TMEM132D: variants seen among roughly 807,000 people sequenced by gnomAD.
The protein encoded by TMEM132D is transmembrane protein 132D.
In TMEM132D, 21 loss-of-function variants were observed where a neutral mutation model predicts 62.3. The observed-to-expected ratio is 0.34, with a 90% CI of 0.24 to 0.49. The LOEUF is 0.49. TMEM132D is among the 20% of genes least tolerant of loss of function. The pLI, the probability that TMEM132D is intolerant of heterozygous loss-of-function variation, is 0.99. For synonymous variants in TMEM132D, 621 were observed against 575.6 expected (o/e 1.08, Z -1.13); for missense variants, 1,346 against 1,402.8 (o/e 0.96, Z 0.65).
At chr12:129,564,986 C>T (rs1877330386) in intron 2 of TMEM132D, among the ~76,000 whole-genome samples, 1 of 152,184 alleles carries the variant, frequency 6.6e-6, no homozygotes, top group South Asian at 2.1e-4. Flanking sequence ...GAAATGCCCC[C>T]AAATGTCCCT....
In TMEM132D at chr12:129,575,125, C is replaced by T. The variant is rs148397541; in HGVS notation, c.969-43920G>A. Among the ~76,000 whole-genome samples the T allele has an allele frequency of 3.0e-3, 458 of 151,928 alleles. 14 individuals are homozygous for T. Among genetic ancestry groups the T allele is most frequent in the African/African-American group, 0.01 (430 of 41,246 alleles). On this transcript the variant is annotated intron_variant, in intron 2 of 8. Transcript: ENST00000422113. Reference sequence around the variant, plus strand: ...GCAGAAGGATAGTGGAATGTAGGCCCTCAATCCCCTAGACCCTTTCTTATG... The same window carrying T: ...GCAGAAGGATAGTGGAATGTAGGCCTTCAATCCCCTAGACCCTTTCTTATG...
intron 3 of TMEM132D, among the ~76,000 whole-genome samples, chr12:129,401,421 T>G (rs1871617437): frequency 1.3e-5 from 2 of 151,948 alleles, no homozygotes; most frequent in Admixed American, 1.3e-4. Context: ...TTTAAAAAAT[T>G]AGCTGAGCAT....
chr12:129,869,863 G>C (rs773006586), intron 1 of TMEM132D, among the ~76,000 whole-genome samples: 19 of 152,176 alleles, frequency 1.2e-4, no homozygotes, highest in Non-Finnish European at 2.4e-4. Context: ...CATCTCTAGA[G>C]CCACATCCAC....
intron 1 of TMEM132D, among the ~76,000 whole-genome samples, chr12:129,705,214 C>G (rs1388524675): frequency 6.6e-6 from 1 of 151,916 alleles, no homozygotes; most frequent in Non-Finnish European, 1.5e-5. Flanking sequence ...AATGCAAAAG[C>G]AGCAGCATTA....
intron 2 of TMEM132D, among the ~76,000 whole-genome samples, chr12:129,606,995 A>C (rs1023566009): frequency 6.6e-6 from 1 of 151,418 alleles, no homozygotes; most frequent in Non-Finnish European, 1.5e-5. Context: ...TTCCTTGTCT[A>C]TCTTGGAAAT....
In TMEM132D at chr12:129,592,065, TGATCC is replaced by T. The variant is rs958285589; in HGVS notation, c.969-60865_969-60861del. Among the ~76,000 whole-genome samples, 119 of 152,318 alleles carry T rather than the reference TGATCC, an allele frequency of 7.8e-4. 2 individuals are homozygous for T. Among genetic ancestry groups the T allele is most frequent in the African/African-American group, 2.8e-3 (116 of 41,582 alleles). ...TTTTTCTTTCTAAACCACAATAATC[TGATCC>T]GATTTCCATTATAAAAAGTACCATG... is the stretch of plus-strand genomic sequence containing the variant. On this transcript the variant is annotated intron_variant, in intron 2 of 8. Coordinates refer to ENST00000422113, the MANE Select transcript of TMEM132D (RefSeq NM_133448.3).
intron 2 of TMEM132D, among the ~76,000 whole-genome samples, chr12:129,626,945 G>A (rs1879234788): frequency 6.6e-6 from 1 of 152,124 alleles, no homozygotes; most frequent in Admixed American, 6.6e-5. Context: ...GATTTTTAAT[G>A]TGGATACTCT....
At chr12:129,776,509 A>G (rs61943418) in intron 1 of TMEM132D, among the ~76,000 whole-genome samples, 23,451 of 152,038 alleles carry the variant, frequency 0.15, 2,353 homozygotes, top group African/African-American at 0.27. Context: ...CTCAGGGACC[A>G]GTGGTTGACT....
chr12:129,828,779 A>G (rs112521996), intron 1 of TMEM132D, among the ~76,000 whole-genome samples: 254 of 5,010 alleles, frequency 0.051, 13 homozygotes, highest in East Asian at 0.092. Context: ...AGGGAGGAAG[A>G]AAAGGAGGGA....
At chr12:129,719,841 C>T (rs1408149039) in intron 1 of TMEM132D, among the ~76,000 whole-genome samples, 3 of 152,184 alleles carry the variant, frequency 2.0e-5, no homozygotes, top group Non-Finnish European at 4.4e-5. Context: ...TGGTTCTAAG[C>T]TTAGGAGAGT....
rs1305023042 is a variant in TMEM132D, at chr12:129,213,544, TG to T, written c.1300-3882del. On this transcript the variant is annotated intron_variant, in intron 4 of 8. Transcript: ENST00000422113. ...ACAAAACAAAAAAACCTAGAGAGGC[TG>T]GGTAATTTATAAGAATAAAAGGTTT... 5.3e-5 allele frequency among the ~76,000 whole-genome samples: 8 copies of T among 151,908 alleles called. No homozygotes were observed. In the South Asian group the frequency reaches 8.3e-4, roughly 16 times the overall value.
chr12:129,253,236 A>C (rs1160732132), intron 4 of TMEM132D, among the ~76,000 whole-genome samples: 1 of 146,952 alleles, frequency 6.8e-6, no homozygotes, highest in African/African-American at 2.5e-5. Context: ...ATAATGTGAT[A>C]ATTGAAAAAA....
chr12:129,422,398 A>G (rs7958260), intron 3 of TMEM132D, among the ~76,000 whole-genome samples: 102,485 of 152,020 alleles, frequency 0.67, 34,695 homozygotes, highest in East Asian at 0.77. Flanking sequence ...GAGGATGTCA[A>G]TGGGCAAGTC....
chr12:129,876,007 T>G (rs1593195560), intron 1 of TMEM132D, among the ~76,000 whole-genome samples: 4 of 152,204 alleles, frequency 2.6e-5, no homozygotes, highest in Admixed American at 2.6e-4. Context: ...AGCTTCAGTG[T>G]ATTCTAGGCT....
chr12:129,100,685 G>A (rs1435040599), intron 5 of TMEM132D, among the ~76,000 whole-genome samples: 1 of 152,176 alleles, frequency 6.6e-6, no homozygotes, highest in Non-Finnish European at 1.5e-5. Context: ...TTACAGATGA[G>A]GCAGCTGAGG....
intron 4 of TMEM132D, among the ~76,000 whole-genome samples, chr12:129,279,155 T>C (rs1322009302): frequency 2.0e-5 from 3 of 152,176 alleles, no homozygotes; most frequent in Non-Finnish European, 2.9e-5. Context: ...AATACAACAT[T>C]TCTGACTCAT....
chr12:129,434,686 A>T (rs1440543709), intron 3 of TMEM132D, among the ~76,000 whole-genome samples: 1 of 152,036 alleles, frequency 6.6e-6, no homozygotes, highest in Non-Finnish European at 1.5e-5. Flanking sequence ...GTCACATAAT[A>T]ATTGCACATA....
At chr12:129,245,649 G>T (rs2135587164) in intron 4 of TMEM132D, among the ~76,000 whole-genome samples, 1 of 152,086 alleles carries the variant, frequency 6.6e-6, no homozygotes, top group Admixed American at 6.5e-5. Flanking sequence ...TATATTTATG[G>T]GTTGTGATGT....
chr12:129,705,860 T>G (rs1011413670), intron 1 of TMEM132D, among the ~76,000 whole-genome samples: 1 of 152,058 alleles, frequency 6.6e-6, no homozygotes, highest in African/African-American at 2.4e-5. Flanking sequence ...AACTTAAAAA[T>G]GCCAATAGAC....
Sources: allele counts gnomAD v4.1 joint callset (sites outside exome capture counted in the v4.1 genomes callset), GRCh38; gene constraint gnomAD v4.1.1; transcripts MANE v1.5; gene names NCBI Gene and HGNC (gene_info 2026-07-23, HGNC 2026-07-21).